CUBN: variants seen among roughly 807,000 people sequenced by gnomAD.
CUBN encodes the protein 460 kDa receptor.
CUBN carries 282 observed loss-of-function variants against 405.3 expected under a neutral mutation model. That is an observed-to-expected ratio of 0.70 (90% CI 0.63 to 0.77). CUBN has a LOEUF of 0.77. Among genes scored for constraint, CUBN ranks in the 30% least tolerant of loss-of-function variants. CUBN has a pLI of 0.00. For synonymous variants in CUBN, 1,684 were observed against 1,617.0 expected, an observed-to-expected ratio of 1.04 and a Z score of -0.99; for missense variants, 4,514 against 4,475.2, an observed-to-expected ratio of 1.01 and a Z score of -0.25.
At chr10:17,103,334 G>T in intron 12 of CUBN, 97 bp from the exon 13 acceptor site, 3 of 770,502 alleles carry the variant, frequency 3.9e-6, no homozygotes, top group Non-Finnish European at 6.9e-6. Context: ...GAGAAAATTT[G>T]AGTAATGAAG....
intron 58 of CUBN, among the ~76,000 whole-genome samples, chr10:16,873,721 C>A (rs77290778): frequency 4.3e-3 from 495 of 116,000 alleles, no homozygotes; most frequent in African/African-American, 6.4e-3. Context: ...GACCTTCTCT[C>A]AAAAAAAAAA....
chr10:17,048,979 A>T (rs998601125), intron 22 of CUBN, among the ~76,000 whole-genome samples: 2 of 152,264 alleles, frequency 1.3e-5, no homozygotes, highest in Non-Finnish European at 2.9e-5. Flanking sequence ...AACAGCAAGC[A>T]ATCAAGGCTT....
In CUBN at chr10:16,898,987, T is replaced by G; in HGVS notation, c.8598+9A>C. The G allele has an allele frequency of 6.3e-7, 1 of 1,589,636 alleles. No individual in the cohort carries two copies. Among genetic ancestry groups the G allele is most frequent in the South Asian group, 1.1e-5 (1 of 90,548 alleles). ...ACTTGGCTCCAATTAAATGAACAAGTGTACTAACCTTCACGAAGCTATTCT... is the reference window on the plus strand; with the variant it reads ...ACTTGGCTCCAATTAAATGAACAAGGGTACTAACCTTCACGAAGCTATTCT... On this transcript the variant is annotated intron_variant, in intron 54 of 66. Coordinates refer to ENST00000377833, the MANE Select transcript of CUBN (RefSeq NM_001081.4).
intron 28 of CUBN, among the ~76,000 whole-genome samples, chr10:17,015,190 T>C (rs1006463693): frequency 1.3e-5 from 2 of 152,236 alleles, no homozygotes; most frequent in Non-Finnish European, 2.9e-5. Flanking sequence ...TTGAGGGATA[T>C]TGCCTTTGAT....
At chr10:16,898,638 T>A (rs1380977035) in intron 54 of CUBN, among the ~76,000 whole-genome samples, 1 of 152,152 alleles carries the variant, frequency 6.6e-6, no homozygotes, top group Non-Finnish European at 1.5e-5. Context: ...CCCATTCCCA[T>A]CATTTTTACA....
At chr10:16,960,454 T>C (rs1356886953) in intron 31 of CUBN, among the ~76,000 whole-genome samples, 2 of 152,168 alleles carry the variant, frequency 1.3e-5, no homozygotes, top group Non-Finnish European at 2.9e-5. Context: ...ATGGTGCCAC[T>C]GTACTCCAGC....
At chr10:16,853,249 G>A (rs958562534) in intron 59 of CUBN, among the ~76,000 whole-genome samples, 5 of 152,124 alleles carry the variant, frequency 3.3e-5, no homozygotes, top group Non-Finnish European at 5.9e-5. Context: ...GTAGGAACAG[G>A]GATTAAACTG....
intron 37 of CUBN, 140 bp from the exon 38 acceptor site, chr10:16,939,287 A>G: frequency 1.4e-6 from 1 of 737,456 alleles, no homozygotes. Flanking sequence ...GGAAAGAAAT[A>G]CTGCCTCCTT....
At chr10:17,123,269 AT>A in intron 5 of CUBN, 2 of 453,632 alleles carry the variant, frequency 4.4e-6, no homozygotes, top group South Asian at 5.3e-5. Context: ...AAATGAGAAA[AT>A]TTGCATAGGT....
intron 22 of CUBN, among the ~76,000 whole-genome samples, chr10:17,056,346 C>G (rs1373179597): frequency 1.3e-5 from 2 of 152,102 alleles, no homozygotes; most frequent in African/African-American, 2.4e-5. Context: ...TGCGGTGGCT[C>G]ACGCCTGTAA....
At chr10:16,935,100 G>C (rs759168816) in intron 39 of CUBN, among the ~76,000 whole-genome samples, 3 of 151,528 alleles carry the variant, frequency 2.0e-5, no homozygotes, top group Admixed American at 1.3e-4. Context: ...ATTTAATTAC[G>C]ATACCATTAC....
chr10:16,970,067 C>A (rs1843507654), intron 31 of CUBN, among the ~76,000 whole-genome samples: 1 of 152,152 alleles, frequency 6.6e-6, no homozygotes, highest in Non-Finnish European at 1.5e-5. Flanking sequence ...AACTAAGAAC[C>A]CCAAGCCATG....
chr10:16,863,281 T>C (rs1840069820), intron 59 of CUBN, among the ~76,000 whole-genome samples: 1 of 152,086 alleles, frequency 6.6e-6, no homozygotes, highest in African/African-American at 2.4e-5. Flanking sequence ...AGAGCGGAAA[T>C]AAGCTTAGTT....
intron 59 of CUBN, among the ~76,000 whole-genome samples, chr10:16,862,160 T>TCTCTCACACACACACACACACACA (rs144560387): frequency 1.5e-5 from 2 of 131,206 alleles, no homozygotes; most frequent in African/African-American, 6.5e-5. Flanking sequence ...TCTCTCTCTC[T>TCTCTCACACACACACACACACACA]CACACACACA....
At chr10:16,991,946 G>A (rs1156368542) in intron 28 of CUBN, among the ~76,000 whole-genome samples, 2 of 152,178 alleles carry the variant, frequency 1.3e-5, no homozygotes, top group Non-Finnish European at 2.9e-5. Flanking sequence ...GCACATGTAT[G>A]TTTATTCCGG....
intron 28 of CUBN, among the ~76,000 whole-genome samples, chr10:16,995,039 C>T (rs910730355): frequency 1.3e-5 from 2 of 152,056 alleles, no homozygotes; most frequent in African/African-American, 4.8e-5. Flanking sequence ...CGCATTGAGC[C>T]GAGATCACAG....
At chr10:16,842,880 C>A (rs1039014829) in intron 60 of CUBN, among the ~76,000 whole-genome samples, 1 of 152,206 alleles carries the variant, frequency 6.6e-6, no homozygotes, top group Non-Finnish European at 1.5e-5. Flanking sequence ...CTGTCCACAG[C>A]CCTGTTCCTG....
chr10:16,967,472 C>G (rs1170199395), intron 31 of CUBN, among the ~76,000 whole-genome samples: 1 of 152,210 alleles, frequency 6.6e-6, no homozygotes, highest in Admixed American at 6.5e-5. Flanking sequence ...GGCTTCAACT[C>G]AACTCTTCCT....
Position 16,937,588 on chromosome 10 carries a change from A to G in CUBN, c.5926+4T>C. The G allele has an allele frequency of 6.2e-7, 1 of 1,613,398 alleles. No homozygotes were observed. The highest frequency in any genetic ancestry group is 8.5e-7 in the Non-Finnish European group (1 of 1,179,492). On this transcript the variant is annotated splice_donor_region_variant and intron_variant, in intron 39 of 66. Coordinates refer to ENST00000377833, the MANE Select transcript of CUBN (RefSeq NM_001081.4). ...AAAAGAACTTCATTTATTACCAAACACACCTGGAGCAATGGTAGGTAAAAC... is the reference window on the plus strand; with the variant it reads ...AAAAGAACTTCATTTATTACCAAACGCACCTGGAGCAATGGTAGGTAAAAC...
Sources: allele counts gnomAD v4.1 joint callset (sites outside exome capture counted in the v4.1 genomes callset), GRCh38; gene constraint gnomAD v4.1.1; transcripts MANE v1.5; gene names NCBI Gene and HGNC (gene_info 2026-07-23, HGNC 2026-07-21).